The following SAMD3 variants were observed in gnomAD, a reference collection of about 807,000 sequenced individuals.
SAMD3 encodes the protein sterile alpha motif domain containing 3.
In SAMD3, 63 loss-of-function variants were observed where a neutral mutation model predicts 58.5. The ratio of observed to expected loss-of-function variants is 1.08; its 90% CI spans 0.88 to 1.33. The LOEUF is 1.33. Ranked by LOEUF, SAMD3 falls within the 40% of genes most tolerant of loss-of-function variation. The pLI, the probability that SAMD3 is intolerant of heterozygous loss-of-function variation, is 0.00. For synonymous variants in SAMD3, 220 were observed against 210.3 expected (o/e 1.05, Z -0.40); for missense variants, 604 against 608.4 (o/e 0.99, Z 0.08).
Position 130,357,518 on chromosome 6 carries a change from A to G in SAMD3, c.-304+7602T>C, listed in dbSNP as rs541633250. 3.3e-5 allele frequency among the ~76,000 whole-genome samples: 5 copies of G among 152,308 alleles called. No homozygotes were observed. In the East Asian group the frequency reaches 9.6e-4, roughly 29 times the overall value. On this transcript the variant is annotated intron_variant, in intron 1 of 13. Transcript: ENST00000368134. ...TGTACCACATTAACTCCTGACTTGC[A>G]GTAGCCCCTGGCAAACCACCTGTAC...
chr6:130,157,472 G>T (rs1474480111), intron 8 of SAMD3, among the ~76,000 whole-genome samples: 1 of 152,036 alleles, frequency 6.6e-6, no homozygotes, highest in Non-Finnish European at 1.5e-5. Flanking sequence ...GGGCCTACAG[G>T]GCCATGCCAC....
intron 9 of SAMD3, among the ~76,000 whole-genome samples, chr6:130,148,386 T>G (rs1225070987): frequency 2.0e-5 from 3 of 152,264 alleles, no homozygotes; most frequent in African/African-American, 2.4e-5. Flanking sequence ...TCAAACAGAC[T>G]GCCGTGCCCT....
chr6:130,170,010 G>A (rs1582780301), intron 8 of SAMD3, among the ~76,000 whole-genome samples: 1 of 152,124 alleles, frequency 6.6e-6, no homozygotes, highest in Non-Finnish European at 1.5e-5. Context: ...TATGCATAAT[G>A]TAATGCTGTT....
intron 5 of SAMD3, among the ~76,000 whole-genome samples, chr6:130,185,229 G>A (rs188181413): frequency 6.6e-6 from 1 of 152,362 alleles, no homozygotes; most frequent in Non-Finnish European, 1.5e-5. Context: ...ATCAGGAGTT[G>A]CCTGGGGATG....
rs1306970886 is a variant in SAMD3, at chr6:130,231,573, AT to A, written c.-187-8761del. 3.3e-5 allele frequency among the ~76,000 whole-genome samples: 5 copies of A among 152,238 alleles called. No homozygotes were observed. The East Asian group carries it at 9.6e-4, about 29-fold the overall frequency. On this transcript the variant is annotated intron_variant, in intron 2 of 13. Coordinates refer to the SAMD3 transcript ENST00000368134. ...GAGTGAAACTCCGTCTCAAAAAAAAATAAAAATAAAAAAAGTAATTTTTAAG... is the reference window on the plus strand; with the variant it reads ...GAGTGAAACTCCGTCTCAAAAAAAAAAAAAATAAAAAAAGTAATTTTTAAG...
At chr6:130,346,598 G>A (rs1219613882) in intron 1 of SAMD3, among the ~76,000 whole-genome samples, 1 of 152,218 alleles carries the variant, frequency 6.6e-6, no homozygotes, top group Non-Finnish European at 1.5e-5. Context: ...GAACTGGGTG[G>A]AGCCCACCAC....
rs1775808823 is a variant in SAMD3, at chr6:130,303,159, C to G, written c.-188+9819G>C. ...TACTGAACATTGCTCTCTTCGGTAC[C>G]TTTCCTGCCTCTATTGTTCAGGGGC... On this transcript the variant is annotated intron_variant, in intron 2 of 13. Coordinates refer to the SAMD3 transcript ENST00000368134. 2.0e-5 allele frequency among the ~76,000 whole-genome samples: 3 copies of G among 152,142 alleles called. No homozygotes were observed. The East Asian group carries it at 5.8e-4, about 29-fold the overall frequency.
chr6:130,202,321 A>G (rs966530072), intron 5 of SAMD3, among the ~76,000 whole-genome samples: 19 of 152,226 alleles, frequency 1.2e-4, no homozygotes, highest in African/African-American at 4.6e-4. Context: ...CTCACTCTGT[A>G]TCCCCGCTCC....
chr6:130,356,014 C>T (rs568932775), intron 1 of SAMD3, among the ~76,000 whole-genome samples: 10 of 152,142 alleles, frequency 6.6e-5, no homozygotes, highest in South Asian at 2.1e-4. Context: ...TTGTCTGTTC[C>T]TTTTTTTCAA....
At chr6:130,288,040 T>C (rs931490589) in intron 2 of SAMD3, among the ~76,000 whole-genome samples, 2 of 152,156 alleles carry the variant, frequency 1.3e-5, no homozygotes, top group African/African-American at 2.4e-5. Context: ...CAGTGTGTTA[T>C]GCAAATTTGT....
At chr6:130,268,208 T>TA (rs911265114) in intron 2 of SAMD3, among the ~76,000 whole-genome samples, 3 of 151,894 alleles carry the variant, frequency 2.0e-5, no homozygotes, top group Admixed American at 6.6e-5. Context: ...AATATAAAAA[T>TA]AAAAAAATTT....
At chr6:130,254,503 A>G (rs901558309) in intron 2 of SAMD3, among the ~76,000 whole-genome samples, 6 of 151,256 alleles carry the variant, frequency 4.0e-5, no homozygotes, top group Middle Eastern at 6.8e-3. Flanking sequence ...GCCTTTTTGT[A>G]TTTTTAGTAG....
At chr6:130,244,815 T>C (rs1773487611) in intron 2 of SAMD3, among the ~76,000 whole-genome samples, 1 of 151,748 alleles carries the variant, frequency 6.6e-6, no homozygotes, top group Admixed American at 6.6e-5. Flanking sequence ...TGCCATAGGG[T>C]TGCTGTAGTG....
At chr6:130,355,856 A>C (rs763293952) in intron 1 of SAMD3, among the ~76,000 whole-genome samples, 20 of 152,192 alleles carry the variant, frequency 1.3e-4, no homozygotes, top group Non-Finnish European at 2.4e-4. Flanking sequence ...ATCTCACACA[A>C]AGTGTAGAGC....
chr6:130,361,134 G>C (rs750521345), intron 1 of SAMD3, among the ~76,000 whole-genome samples: 1 of 152,128 alleles, frequency 6.6e-6, no homozygotes, highest in Non-Finnish European at 1.5e-5. Flanking sequence ...ACAGAATTAA[G>C]AGATTAAAGT....
Position 130,323,487 on chromosome 6 carries a change from A to C in SAMD3, c.-303-10394T>G, listed in dbSNP as rs181684690. 2.3e-3 allele frequency among the ~76,000 whole-genome samples: 354 copies of C among 151,264 alleles called. 1 individual carries two copies. Among genetic ancestry groups the C allele is most frequent in the African/African-American group, 8.3e-3 (343 of 41,276 alleles). ...TGATGAGTGCTTAGACTATTGCTGT[A>C]CATGTTAAGCACCATTCAGGAATTT... On this transcript the variant is annotated intron_variant, in intron 1 of 13. Coordinates refer to the SAMD3 transcript ENST00000368134.
rs187675188 is a variant in SAMD3 at position 130,319,114 on chromosome 6, A to G, written c.-303-6021T>C. Among the ~76,000 whole-genome samples, 11 of 152,340 alleles carry G rather than the reference A, an allele frequency of 7.2e-5. No homozygotes were observed. In the East Asian group the frequency reaches 1.9e-3, roughly 27 times the overall value. ...AATGAAACTATCCAAGAAGGAAAAA[A>G]TCCTGAACGAATCAATAAAGCATCA... On this transcript the variant is annotated intron_variant, in intron 1 of 13. Transcript: ENST00000368134.
At chr6:130,245,522 G>T (rs1773511391) in intron 2 of SAMD3, among the ~76,000 whole-genome samples, 1 of 152,162 alleles carries the variant, frequency 6.6e-6, no homozygotes, top group South Asian at 2.1e-4. Flanking sequence ...TAGGTTGGAG[G>T]TCACTGGCAC....
chr6:130,307,139 T>A (rs938663963), intron 2 of SAMD3, among the ~76,000 whole-genome samples: 1 of 152,230 alleles, frequency 6.6e-6, no homozygotes. Flanking sequence ...TCAAACTTTA[T>A]ACACATATCT....
Sources: allele counts gnomAD v4.1 joint callset (sites outside exome capture counted in the v4.1 genomes callset), GRCh38; gene constraint gnomAD v4.1.1; transcripts MANE v1.5; gene names NCBI Gene and HGNC (gene_info 2026-07-23, HGNC 2026-07-21).